The following PDK4 variants were observed in gnomAD, a reference collection of about 807,000 sequenced individuals.
PDK4 encodes the protein pyruvate dehydrogenase kinase, isozyme 4.
A neutral mutation model predicts 51.7 loss-of-function variants in PDK4; 43 were observed. The observed-to-expected ratio is 0.83, with a 90% confidence interval of 0.65 to 1.07. PDK4 has a LOEUF of 1.07. Ranked by LOEUF, PDK4 falls within the 50% of genes least tolerant of loss-of-function variation. The pLI is 0.00. For missense variants in PDK4, 498 were observed against 503.5 expected (o/e 0.99, Z 0.10); for synonymous variants, 170 against 176.6 (o/e 0.96, Z 0.30).
rs558028303 is a variant in PDK4, at chr7:95,590,826, C to T, written c.695-1110G>A. On this transcript the variant is annotated intron_variant, in intron 6 of 10. Coordinates refer to ENST00000005178, the MANE Select transcript of PDK4 (RefSeq NM_002612.4). ...TATACTGTTTTGTTTTAAGATGCAA[C>T]TATTTACCAGAACAGAATGGGAAGG... 9.2e-5 allele frequency among the ~76,000 whole-genome samples: 14 copies of T among 152,296 alleles called. No individual in the cohort carries two copies. In the South Asian group the frequency reaches 2.9e-3, roughly 32 times the overall value.
chr7:95,588,892 A>T (rs1485112325), intron 7 of PDK4, among the ~76,000 whole-genome samples: 1 of 152,214 alleles, frequency 6.6e-6, no homozygotes, highest in Non-Finnish European at 1.5e-5. Flanking sequence ...GCTTGTTAGA[A>T]ATGCACATTC....
At position 95,596,085 on chromosome 7, in the gene PDK4, GCC is replaced by G. The variant is rs1791615894; in HGVS notation, c.130+77_130+78del. ...CCCCAGTTGTTTTAGCTTGAGCCTA[GCC>G]CTCCCTCTACCAAGGCTGAAAGTTA... On this transcript the variant is annotated intron_variant, in intron 1 of 10. Transcript: ENST00000005178. The G allele has an allele frequency of 4.2e-6, 6 of 1,433,320 alleles. No homozygotes were observed. The African/African-American group carries it at 7.5e-5, about 18-fold the overall frequency. 88.8% of individuals were successfully genotyped at this position (1,433,320 alleles called of 1,614,324 possible).
In PDK4 at chr7:95,583,796, C is replaced by A. The variant is rs1286084892; in HGVS notation, c.*1845G>T. On this transcript the variant is annotated 3_prime_UTR_variant, in exon 11 of 11. Coordinates refer to ENST00000005178, the MANE Select transcript of PDK4 (RefSeq NM_002612.4). ...AATTAATTAATCAACTGATTTAAAT[C>A]TTTGGTAAATACAAGTATTTACATG... 1.3e-5 allele frequency: 2 copies of A among 152,200 alleles called. No homozygotes were observed. Among genetic ancestry groups the A allele is most frequent in the African/African-American group, 2.4e-5 (1 of 41,114 alleles). 9.4% of individuals were successfully genotyped at this position (152,200 alleles called of 1,614,324 possible).
At chr7:95,596,120 TC>T in intron 1 of PDK4, 43 bp downstream of exon 1, 1 of 1,549,668 alleles carries the variant, frequency 6.5e-7, no homozygotes, top group Non-Finnish European at 8.7e-7. Context: ...TTAAGGCAGT[TC>T]CCCAACCCTA....
chr7:95,585,553 A>T lies in PDK4; in HGVS notation c.*88T>A. 66 of 1,143,056 alleles carry T rather than the reference A, an allele frequency of 5.8e-5. No homozygotes were observed. The highest frequency in any genetic ancestry group is 1.0e-4 in the East Asian group (4 of 40,030). The allele number at this position is 1,143,056 out of a possible 1,614,324, so 70.8% of individuals were successfully genotyped here. On this transcript the variant is annotated 3_prime_UTR_variant, in exon 11 of 11. Transcript: ENST00000005178. ...TTTTCGTTGCTGTCGTTTGTTTTGG[A>T]GGAAACAAGGGTTCACACACAAACA...
intron 1 of PDK4, among the ~76,000 whole-genome samples, chr7:95,595,741 A>T (rs546096248): frequency 6.6e-6 from 1 of 152,358 alleles, no homozygotes; most frequent in Admixed American, 6.5e-5. Flanking sequence ...ACCCTGTGGA[A>T]GGATGCCAGG....
Position 95,585,604 on chromosome 7 carries a change from C to G in PDK4, c.*37G>C. ...TTCAGGAAGCAGCACTGGTGTAGAC[C>G]CACTTTGATCCCGTAAAGTGTCCTG... On this transcript the variant is annotated 3_prime_UTR_variant, in exon 11 of 11. Coordinates refer to ENST00000005178, the MANE Select transcript of PDK4 (RefSeq NM_002612.4). 6.4e-7 allele frequency: 1 copy of G among 1,569,428 alleles called. No individual in the cohort carries two copies. The highest frequency in any genetic ancestry group is 8.7e-7 in the Non-Finnish European group (1 of 1,148,422).
Position 95,596,192 on chromosome 7 carries a change from CG to C in PDK4, c.101del (p.Pro34ArgfsTer4). 6.2e-7 allele frequency: 1 copy of C among 1,603,150 alleles called. No individual in the cohort carries two copies. Among genetic ancestry groups the C allele is most frequent in the Non-Finnish European group, 8.5e-7 (1 of 1,175,166 alleles). Reference sequence around the variant, plus strand: ...AGTCCAGTAGCTGCTTCATGGACAGCGGGGACGGGCTGTAGCGCGAGAAATG... The same window carrying C: ...AGTCCAGTAGCTGCTTCATGGACAGCGGGACGGGCTGTAGCGCGAGAAATG... ...VEHFSRYSPSPLSMKQLLDFG... is the reference protein window; with the variant it reads ...VEHFSRYSPSXLSMKQLLDFG... On this transcript the variant is annotated frameshift_variant, in exon 1 of 11. Coordinates refer to ENST00000005178, the MANE Select transcript of PDK4 (RefSeq NM_002612.4). LOFTEE classifies it high-confidence loss of function.
chr7:95,588,556 A>G (rs1334100788), intron 7 of PDK4, among the ~76,000 whole-genome samples: 2 of 152,172 alleles, frequency 1.3e-5, no homozygotes, highest in Non-Finnish European at 2.9e-5. Flanking sequence ...AATAATATTA[A>G]GTTCTAGTCA....
chr7:95,595,317 T>C (rs1417397635), intron 1 of PDK4, among the ~76,000 whole-genome samples, 153 bp from the exon 2 acceptor site: 2 of 152,228 alleles, frequency 1.3e-5, no homozygotes, highest in Admixed American at 1.3e-4. Flanking sequence ...TCAGGGGCGA[T>C]TGTCTCCTTA....
At chr7:95,586,060 A>T (rs1483035338) in intron 10 of PDK4, among the ~76,000 whole-genome samples, 2 of 152,188 alleles carry the variant, frequency 1.3e-5, no homozygotes, top group Non-Finnish European at 2.9e-5. Flanking sequence ...AAAAAATGGG[A>T]GCCTGAAAGT....
Position 95,592,845 on chromosome 7 carries a change from G to T in PDK4, c.444C>A (p.Asp148Glu). The change falls in exon 4 of 11, where the codon GAC becomes GAA. Residue 148 changes from aspartate to glutamate, a missense_variant. Physicochemically the swap from Asp to Glu is conservative, Grantham distance 45. Coordinates refer to ENST00000005178, the MANE Select transcript of PDK4 (RefSeq NM_002612.4). Reference protein sequence around the residue: ...IIEYKDACTVDPVTNQNLQYF... With the variant: ...IIEYKDACTVEPVTNQNLQYF... ...ATTGAAGATTTTGATTGGTGACTGGGTCAACTGTACAGGCATCTTTATACT... is the reference window on the plus strand; with the variant it reads ...ATTGAAGATTTTGATTGGTGACTGGTTCAACTGTACAGGCATCTTTATACT... 2.5e-6 allele frequency: 4 copies of T among 1,612,122 alleles called. No homozygotes were observed. Among genetic ancestry groups the T allele is most frequent in the Non-Finnish European group, 3.4e-6 (4 of 1,178,352 alleles).
rs996262192 is a variant in PDK4, at chr7:95,595,288, G to T, written c.131-124C>A. 2.0e-5 allele frequency: 12 copies of T among 597,468 alleles called. No homozygotes were observed. In the African/African-American group the frequency reaches 2.3e-4, roughly 11 times the overall value. The allele number at this position is 597,468 out of a possible 1,614,324, so 37.0% of individuals were successfully genotyped here. On this transcript the variant is annotated intron_variant, in intron 1 of 10. Coordinates refer to ENST00000005178, the MANE Select transcript of PDK4 (RefSeq NM_002612.4). The stretch of plus-strand genomic sequence containing the variant: ...AAAATTATATTTCACTCTCAGTTGG[G>T]TTACTGTTAATCGATAATTCAGGGG...
At chr7:95,594,333 T>C (rs575696004) in intron 2 of PDK4, among the ~76,000 whole-genome samples, 8 of 152,310 alleles carry the variant, frequency 5.3e-5, no homozygotes, top group Non-Finnish European at 1.5e-5. Flanking sequence ...TTGGGTTACC[T>C]ACCTTCTCTA....
Position 95,587,531 on chromosome 7 carries a change from AAAAC to A in PDK4, c.871-7_871-4del, listed in dbSNP as rs761775893. On this transcript the variant is annotated splice_polypyrimidine_tract_variant and splice_region_variant and intron_variant, in intron 8 of 10. Transcript: ENST00000005178. The stretch of plus-strand genomic sequence containing the variant: ...ACACCACCTCCTCTGTCTGAAATCT[AAAAC>A]AAACAAACAAGTCATCAAAGCCACA... 120 of 1,551,024 alleles carry A rather than the reference AAAAC, an allele frequency of 7.7e-5. No homozygotes were observed. Among genetic ancestry groups the A allele is most frequent in the Middle Eastern group, 6.7e-4 (4 of 5,944 alleles).
Position 95,596,419 on chromosome 7 carries a change from T to C in PDK4, c.-126A>G, listed in dbSNP as rs10271972. The C allele has an allele frequency of 0.35, 385,206 of 1,098,434 alleles. 71,932 individuals are homozygous for C. Among genetic ancestry groups the C allele is most frequent in the East Asian group, 0.71 (22,238 of 31,230 alleles). 68.0% of individuals were successfully genotyped at this position (1,098,434 alleles called of 1,614,324 possible). On this transcript the variant is annotated 5_prime_UTR_variant, in exon 1 of 11. Transcript: ENST00000005178. ...AGGACTGCAGGTGCGCTGGCTGGCT[T>C]GTGCGCCCCGGCCTGGGCTGGGGTT...
At chr7:95,594,787 G>T in intron 2 of PDK4, 1 of 292,576 alleles carries the variant, frequency 3.4e-6, no homozygotes, top group Non-Finnish European at 6.2e-6. Flanking sequence ...ATTTTTCCTA[G>T]AACTCAAAAT....
In PDK4 at chr7:95,596,211, G is replaced by A. The variant is rs760990105; in HGVS notation, c.83C>T (p.Ser28Leu). 1.7e-5 allele frequency: 27 copies of A among 1,606,230 alleles called. No individual in the cohort carries two copies. The highest frequency in any genetic ancestry group is 2.2e-5 in the Non-Finnish European group (26 of 1,176,568). Residue 28 changes from serine (S) to leucine (L), a missense_variant, in exon 1 of 11, where the codon TCG (serine) becomes TTG (leucine). Transcript: ENST00000005178. Reference sequence around the variant, plus strand: ...GGACAGCGGGGACGGGCTGTAGCGCGAGAAATGCTCCACCTCTCGGGGCAC... The same window carrying A: ...GGACAGCGGGGACGGGCTGTAGCGCAAGAAATGCTCCACCTCTCGGGGCAC... Reference protein sequence around the residue: ...GLVPREVEHFSRYSPSPLSMK... With the variant: ...GLVPREVEHFLRYSPSPLSMK...
At chr7:95,591,293 G>T (rs944197151) in intron 6 of PDK4, among the ~76,000 whole-genome samples, 1 of 152,066 alleles carries the variant, frequency 6.6e-6, no homozygotes. Context: ...AAACAATAGT[G>T]CAATTTTTTT....
Sources: gnomAD v4.1 joint callset for allele counts (sites outside exome capture counted in the v4.1 genomes callset) on GRCh38, gnomAD v4.1.1 for gene constraint, MANE v1.5 for transcripts, NCBI Gene and HGNC (gene_info 2026-07-23, HGNC 2026-07-21) for gene names.